Variants in NIN observed in about 807,000 individuals in gnomAD.
The protein encoded by NIN is ninein, also known as glycogen synthase kinase 3 beta-interacting protein.
A neutral mutation model predicts 257.6 loss-of-function variants in NIN; 137 were observed. The observed-to-expected ratio is 0.53, with a 90% confidence interval of 0.46 to 0.61. The LOEUF (loss-of-function observed/expected upper bound fraction) is 0.61, where lower values mean the gene tolerates loss of function less well. NIN is among the 20% of genes least tolerant of loss of function. The pLI, the probability that NIN is intolerant of heterozygous loss-of-function variation, is 0.00. For missense variants in NIN, 2,439 were observed against 2,501.2 expected (o/e 0.98, Z 0.53); for synonymous variants, 918 against 919.8 (o/e 1.00, Z 0.04).
chr14:50,830,292 T>C (rs1339909032), intron 2 of NIN, among the ~76,000 whole-genome samples, 172 bp downstream of exon 2: 5 of 152,210 alleles, frequency 3.3e-5, no homozygotes, highest in Non-Finnish European at 1.5e-5. Flanking sequence ...AACCCAGCGG[T>C]GCTGCCGCGC....
upstream of NIN, among the ~76,000 whole-genome samples, chr14:50,831,291 C>T (rs947540795): frequency 9.2e-5 from 14 of 151,974 alleles, no homozygotes; most frequent in African/African-American, 2.9e-4. Flanking sequence ...GACGCGCCCT[C>T]CCGCTCCGAG....
chr14:50,816,218 G>C (rs1371356102), intron 3 of NIN, among the ~76,000 whole-genome samples: 10 of 152,052 alleles, frequency 6.6e-5, no homozygotes, highest in Admixed American at 2.6e-4. Context: ...CTGTGAGGTG[G>C]GGGGAGGGAG....
intron 30 of NIN, among the ~76,000 whole-genome samples, chr14:50,724,427 G>A (rs1406788511): frequency 6.6e-6 from 1 of 152,154 alleles, no homozygotes; most frequent in Non-Finnish European, 1.5e-5. Flanking sequence ...GCATTTCAAA[G>A]GGCAGGGATA....
intron 4 of NIN, among the ~76,000 whole-genome samples, chr14:50,795,902 C>T (rs1382444365): frequency 2.0e-5 from 3 of 152,180 alleles, no homozygotes; most frequent in Non-Finnish European, 2.9e-5. Context: ...TCGGTTGAAC[C>T]TAGGAGGCAG....
chr14:50,771,462 C>G lies in NIN; in HGVS notation c.988G>C (p.Asp330His), dbSNP rs113989135. ...TTGATGTTTCCATCGAGGCTGAAAT[C>G]CAAGGCCTAGAAATCAGAGCAAGGC... ...ENSQEILKAL[D>H]FSLDGNINLT... The change falls in exon 10 of 31, where the codon GAT becomes CAT. Residue 330 changes from aspartate (D) to histidine (H), a missense_variant. Around this residue, in one of 3 missense-constraint regions of NIN, gnomAD observed 387 missense variants for 427.3 expected, o/e 0.91. Coordinates refer to ENST00000530997, the MANE Select transcript of NIN (RefSeq NM_020921.4). The G allele has an allele frequency of 6.2e-7, 1 of 1,613,944 alleles. No individual in the cohort carries two copies. Among genetic ancestry groups the G allele is most frequent in the Admixed American group, 1.7e-5 (1 of 59,972 alleles).
intron 28 of NIN, among the ~76,000 whole-genome samples, chr14:50,732,784 G>A (rs890767894): frequency 2.4e-4 from 36 of 152,026 alleles, no homozygotes; most frequent in Non-Finnish European, 1.0e-4. Flanking sequence ...CTGGAGTGCA[G>A]TGGTGCGATC....
At position 50,794,105 on chromosome 14, in the gene NIN, A is replaced by C. The variant is rs1228476595; in HGVS notation, c.266-1224T>G. On this transcript the variant is annotated intron_variant, in intron 4 of 30. Coordinates refer to ENST00000530997, the MANE Select transcript of NIN (RefSeq NM_020921.4). ...AAAGAACGACCGTTCCTTTATCACC[A>C]TTGAAACCATGCTGGGGTTTAGCCA... 2.0e-5 allele frequency among the ~76,000 whole-genome samples: 3 copies of C among 152,182 alleles called. No individual in the cohort carries two copies. In the East Asian group the frequency reaches 5.8e-4, roughly 29 times the overall value.
chr14:50,737,446 T>A (rs2041034838), intron 27 of NIN, among the ~76,000 whole-genome samples: 1 of 126,966 alleles, frequency 7.9e-6, no homozygotes, highest in Non-Finnish European at 1.6e-5. Context: ...GCTTCTGAAA[T>A]CCTGACTTGC....
Position 50,806,820 on chromosome 14 carries a change from TA to T in NIN, c.184-3del, listed in dbSNP as rs150006561. Reference sequence around the variant, plus strand: ...TTCTTTAAATTGGTCAAAATGTACCTAAAAAAAATTAAAAATAGATTTAAAG... The same window carrying T: ...TTCTTTAAATTGGTCAAAATGTACCTAAAAAAATTAAAAATAGATTTAAAG... On this transcript the variant is annotated splice_polypyrimidine_tract_variant and splice_region_variant and intron_variant, in intron 3 of 30. Coordinates refer to ENST00000530997, the MANE Select transcript of NIN (RefSeq NM_020921.4). The T allele has an allele frequency of 1.6e-4, 221 of 1,350,580 alleles. No individual in the cohort carries two copies. The highest frequency in any genetic ancestry group is 5.5e-4 in the South Asian group (45 of 82,408). 83.7% of individuals were successfully genotyped at this position (1,350,580 alleles called of 1,614,324 possible). A position where few individuals can be genotyped will look rare whatever the true frequency, so the allele number is the denominator to read the frequency against.
rs182464746 is a variant in NIN at position 50,810,306 on chromosome 14, T to C, written c.184-3488A>G. Among the ~76,000 whole-genome samples, 468 of 151,360 alleles carry C rather than the reference T, an allele frequency of 3.1e-3. 2 individuals are homozygous for C. The highest frequency in any genetic ancestry group is 4.8e-3 in the Non-Finnish European group (329 of 67,930). ...ACATTCCTACTCTACCTGATTATTA[T>C]AAACTTCATAATCCTGCTTCCCAAC... On this transcript the variant is annotated intron_variant, in intron 3 of 30. Coordinates refer to ENST00000530997, the MANE Select transcript of NIN (RefSeq NM_020921.4).
At chr14:50,824,366 TTTTC>T (rs1168723544) in intron 2 of NIN, among the ~76,000 whole-genome samples, 1 of 152,170 alleles carries the variant, frequency 6.6e-6, no homozygotes, top group African/African-American at 2.4e-5. Flanking sequence ...GGCAGCTTTC[TTTTC>T]TTTATCTCTT....
At chr14:50,792,396 A>T in intron 5 of NIN, 1 of 253,944 alleles carries the variant, frequency 3.9e-6, no homozygotes, top group Non-Finnish European at 7.6e-6. Context: ...AAAAATGATC[A>T]TGCTATAGAG....
In NIN at chr14:50,721,821, T is replaced by C. The variant is rs980533028; in HGVS notation, c.*1642A>G. 4.5e-6 allele frequency: 1 copy of C among 223,734 alleles called. No individual in the cohort carries two copies. The highest frequency in any genetic ancestry group is 8.9e-6 in the Non-Finnish European group (1 of 112,084). The allele number at this position is 223,734 out of a possible 1,614,324, so 13.9% of individuals were successfully genotyped here. On this transcript the variant is annotated 3_prime_UTR_variant, in exon 31 of 31. Coordinates refer to ENST00000530997, the MANE Select transcript of NIN (RefSeq NM_020921.4). ...AAACAGTGCCTTGTCAAGGCTCTTG[T>C]AGTGAGGCCTCCTGGGTTGACCGGT...
At chr14:50,785,710 G>A (rs535087635) in intron 5 of NIN, among the ~76,000 whole-genome samples, 11 of 152,304 alleles carry the variant, frequency 7.2e-5, no homozygotes, top group Admixed American at 2.6e-4. Flanking sequence ...CATCTATGGC[G>A]TATTTCACTA....
chr14:50,817,721 C>T (rs1017847253), intron 3 of NIN, among the ~76,000 whole-genome samples: 4 of 152,124 alleles, frequency 2.6e-5, no homozygotes, highest in African/African-American at 7.2e-5. Flanking sequence ...TGGCATACTA[C>T]GTAAGGAGTT....
intron 22 of NIN, among the ~76,000 whole-genome samples, chr14:50,745,447 T>C (rs561845576): frequency 1.3e-5 from 2 of 152,334 alleles, no homozygotes; most frequent in South Asian, 2.1e-4. Flanking sequence ...TTTTTAACTT[T>C]CCTCTATTTC....
At chr14:50,727,237 C>T (rs2040453223) in intron 29 of NIN, 1 of 945,684 alleles carries the variant, frequency 1.1e-6, no homozygotes, top group Non-Finnish European at 1.3e-6. Flanking sequence ...CAGTCATATA[C>T]TTAAAATTTA....
intron 5 of NIN, chr14:50,792,488 G>T: frequency 1.8e-6 from 1 of 557,712 alleles, no homozygotes; most frequent in Non-Finnish European, 3.2e-6. Context: ...CATGACGCAT[G>T]CACAGAAATG....
intron 4 of NIN, among the ~76,000 whole-genome samples, chr14:50,799,890 G>A (rs546352046): frequency 1.3e-5 from 2 of 152,114 alleles, no homozygotes; most frequent in African/African-American, 2.4e-5. Context: ...CAGAAGAATC[G>A]CTTGAACCCG....
Sources: allele counts gnomAD v4.1 joint callset (sites outside exome capture counted in the v4.1 genomes callset), GRCh38; gene constraint gnomAD v4.1.1; regional missense constraint gnomAD v4.1.1; transcripts MANE v1.5; gene names NCBI Gene and HGNC (gene_info 2026-07-23, HGNC 2026-07-21).